The following MTUS2 variants were observed in gnomAD, a reference collection of about 807,000 sequenced individuals.
MTUS2 encodes microtubule-associated tumor suppressor candidate 2.
MTUS2 carries 40 observed loss-of-function variants against 114.1 expected under a neutral mutation model. The ratio of observed to expected loss-of-function variants is 0.35; its 90% CI spans 0.27 to 0.46. The LOEUF is 0.46. Among genes scored for constraint, MTUS2 ranks in the 20% least tolerant of loss-of-function variants. The pLI is 1.00. For synonymous variants in MTUS2, 688 were observed against 672.0 expected (o/e 1.02, Z -0.37); for missense variants, 1,679 against 1,705.4 (o/e 0.98, Z 0.27).
chr13:29,327,317 C>T (rs1035979632), intron 7 of MTUS2, among the ~76,000 whole-genome samples: 1 of 152,070 alleles, frequency 6.6e-6, no homozygotes, highest in African/African-American at 2.4e-5. Context: ...AGCTGTGAAA[C>T]CATCATCCCA....
At chr13:29,062,487 A>G (rs1395130273) in intron 4 of MTUS2, among the ~76,000 whole-genome samples, 2 of 152,178 alleles carry the variant, frequency 1.3e-5, no homozygotes, top group Admixed American at 6.5e-5. Context: ...AGAGCTGGAG[A>G]CAGAAACAGC....
At chr13:28,863,076 CT>C (rs1471338317) in intron 2 of MTUS2, among the ~76,000 whole-genome samples, 2 of 152,202 alleles carry the variant, frequency 1.3e-5, no homozygotes, top group Non-Finnish European at 2.9e-5. Flanking sequence ...GCTGTCTCAT[CT>C]TTTGTTTCGA....
chr13:29,389,415 G>GTGTA (rs374602322), intron 8 of MTUS2, among the ~76,000 whole-genome samples: 1,993 of 87,610 alleles, frequency 0.023, 127 homozygotes, highest in Middle Eastern at 0.051. Context: ...ATACACGTGT[G>GTGTA]TGTGTATGTA....
At chr13:28,832,511 T>G (rs1164345579) in intron 1 of MTUS2, among the ~76,000 whole-genome samples, 7 of 8,310 alleles carry the variant, frequency 8.4e-4, no homozygotes, top group Non-Finnish European at 3.0e-3. Flanking sequence ...CTTAGAGGGA[T>G]TTTTTTTTTA....
intron 2 of MTUS2, among the ~76,000 whole-genome samples, chr13:28,972,784 CAA>C (rs1399821335): frequency 6.6e-6 from 1 of 152,006 alleles, no homozygotes; most frequent in Non-Finnish European, 1.5e-5. Flanking sequence ...TATTTAAACA[CAA>C]AAACACAGAA....
At chr13:29,202,192 T>C (rs1376275278) in intron 5 of MTUS2, among the ~76,000 whole-genome samples, 3 of 152,204 alleles carry the variant, frequency 2.0e-5, no homozygotes, top group African/African-American at 7.2e-5. Context: ...TCTTGGTGGC[T>C]TTGTTCATTA....
intron 8 of MTUS2, among the ~76,000 whole-genome samples, chr13:29,387,661 G>A (rs1738841945): frequency 6.6e-6 from 1 of 152,192 alleles, no homozygotes; most frequent in Admixed American, 6.5e-5. Flanking sequence ...GTAAGCAGGA[G>A]CGAGGCGGGT....
chr13:29,347,807 A>G (rs1362882691), intron 7 of MTUS2, among the ~76,000 whole-genome samples: 1 of 152,190 alleles, frequency 6.6e-6, no homozygotes, highest in Non-Finnish European at 1.5e-5. Context: ...GGTTCTCACA[A>G]TCTCCTCCAT....
At position 29,100,817 on chromosome 13, in the gene MTUS2, C is replaced by A. The variant is rs1333002382; in HGVS notation, c.2491C>A (p.Leu831Ile). ...CAGTTCAAATGCTGCAAAATCCAAT[C>A]TCCCGAAATCTGGTCTCCGTCCTCC... Reference protein sequence around the residue: ...ASSSNAAKSNLPKSGLRPPGY... With the variant: ...ASSSNAAKSNIPKSGLRPPGY... The change falls in exon 5 of 16, where the codon CTC becomes ATC. Residue 831 changes from leucine to isoleucine, a missense_variant. By Grantham distance (5) the Leu-to-Ile change is conservative. This residue lies in a region of MTUS2 where 822 missense variants were observed against 899.7 expected (regional missense o/e 0.91). Transcript: ENST00000612955. 1 of 1,551,666 alleles carries A rather than the reference C, an allele frequency of 6.4e-7. No individual in the cohort carries two copies. Among genetic ancestry groups the A allele is most frequent in the Non-Finnish European group, 8.7e-7 (1 of 1,147,002 alleles).
chr13:29,009,188 G>A (rs1885731322), intron 2 of MTUS2, among the ~76,000 whole-genome samples: 1 of 151,598 alleles, frequency 6.6e-6, no homozygotes. Flanking sequence ...TTATCTCTCT[G>A]AAAAAATTAC....
rs558677697 is a variant in MTUS2, at chr13:29,463,383, G to A, written c.3185-16767G>A. Among the ~76,000 whole-genome samples, 3 of 152,334 alleles carry A rather than the reference G, an allele frequency of 2.0e-5. No homozygotes were observed. In the East Asian group the frequency reaches 5.8e-4, roughly 29 times the overall value. On this transcript the variant is annotated intron_variant, in intron 9 of 15. Transcript: ENST00000612955. The stretch of plus-strand genomic sequence containing the variant: ...ACAGGAGACTCCTAGAGAGGTCACA[G>A]GTCCAAGAGTGTGAGAAATGGTCAT...
At chr13:28,921,870 C>T (rs138266613) in intron 2 of MTUS2, among the ~76,000 whole-genome samples, 2,188 of 152,222 alleles carry the variant, frequency 0.014, 19 homozygotes, top group Middle Eastern at 0.024. Flanking sequence ...CCCAAGTGCA[C>T]GGATTTCTCC....
At chr13:29,242,839 C>T (rs375557822) in intron 5 of MTUS2, 1 of 147,662 alleles carries the variant, frequency 6.8e-6, no homozygotes, top group Non-Finnish European at 1.5e-5. Context: ...ATTAAATCCT[C>T]ACGATAGCAT....
chr13:29,285,342 G>A (rs1343767826), intron 6 of MTUS2, among the ~76,000 whole-genome samples: 2 of 152,132 alleles, frequency 1.3e-5, no homozygotes, highest in African/African-American at 4.8e-5. Context: ...CCAAATAGCT[G>A]GTGAGGGGGA....
At chr13:29,390,817 C>G (rs1367071425) in intron 8 of MTUS2, among the ~76,000 whole-genome samples, 2 of 151,540 alleles carry the variant, frequency 1.3e-5, no homozygotes, top group Non-Finnish European at 2.9e-5. Context: ...TAGTGTCGCT[C>G]TGTCACCCAG....
chr13:29,306,418 C>G (rs1593283848), intron 6 of MTUS2, among the ~76,000 whole-genome samples: 3 of 152,282 alleles, frequency 2.0e-5, no homozygotes, highest in Middle Eastern at 3.4e-3. Flanking sequence ...GTTTCCTAAG[C>G]TGATAAGCCA....
chr13:28,929,272 T>G (rs1006241550), intron 2 of MTUS2, among the ~76,000 whole-genome samples: 1 of 152,142 alleles, frequency 6.6e-6, no homozygotes, highest in Non-Finnish European at 1.5e-5. Context: ...GTGACTATAG[T>G]TTATTATAAT....
chr13:29,150,162 T>C (rs1892608285), intron 5 of MTUS2, among the ~76,000 whole-genome samples: 1 of 152,224 alleles, frequency 6.6e-6, no homozygotes, highest in Non-Finnish European at 1.5e-5. Flanking sequence ...GGAATGTTTT[T>C]CCATTTGTTT....
At chr13:28,957,214 T>A (rs550724579) in intron 2 of MTUS2, among the ~76,000 whole-genome samples, 36 of 152,206 alleles carry the variant, frequency 2.4e-4, no homozygotes, top group Non-Finnish European at 3.5e-4. Flanking sequence ...GGTGTTAGTG[T>A]CTGGTATCCT....
Sources: gnomAD v4.1 joint callset for allele counts (sites outside exome capture counted in the v4.1 genomes callset) on GRCh38, gnomAD v4.1.1 for gene constraint, gnomAD v4.1.1 regional missense constraint, MANE v1.5 for transcripts, NCBI Gene and HGNC (gene_info 2026-07-23, HGNC 2026-07-21) for gene names.